The following KIF20B variants were observed in gnomAD, a reference collection of about 807,000 sequenced individuals.
KIF20B encodes the protein kinesin-like protein KIF20B.
A neutral mutation model predicts 232.5 loss-of-function variants in KIF20B; 188 were observed. The observed-to-expected ratio is 0.81, with a 90% CI of 0.72 to 0.91. The LOEUF (loss-of-function observed/expected upper bound fraction) is 0.91, where lower values mean the gene tolerates loss of function less well. Among genes scored for constraint, KIF20B ranks in the 40% least tolerant of loss-of-function variants. The pLI is 0.00. For missense variants in KIF20B, 2,154 were observed against 2,055.9 expected (o/e 1.05, Z -0.92); for synonymous variants, 712 against 683.0 (o/e 1.04, Z -0.66).
In KIF20B at chr10:89,758,918, A is replaced by G. The variant is rs755568447; in HGVS notation, c.4680+36A>G. 3.1e-6 allele frequency: 4 copies of G among 1,283,724 alleles called. No homozygotes were observed. In the Admixed American group the frequency reaches 1.1e-4, roughly 34 times the overall value. 79.5% of individuals were successfully genotyped at this position (1,283,724 alleles called of 1,614,324 possible). ...TTTTTTGCTATGCCTTTTTAATTGA[A>G]CATAGTAATTACTTAATTGACTAAC... On this transcript the variant is annotated intron_variant, in intron 27 of 32. Transcript: ENST00000371728.
chr10:89,735,666 T>C (rs554584807), intron 19 of KIF20B, among the ~76,000 whole-genome samples: 178 of 150,426 alleles, frequency 1.2e-3, no homozygotes, highest in Admixed American at 3.1e-3. Context: ...GCCTCCCGAC[T>C]AGCTGGGATT....
rs1349176298 is a variant in KIF20B, at chr10:89,732,310, A to G, written c.2392-593A>G. On this transcript the variant is annotated intron_variant, in intron 18 of 32. Transcript: ENST00000371728. ...CCTGGAATTTTAATTTTTTGTAGAG[A>G]CGGGTTCTCACTGTGTGGCCCAGGC... Among the ~76,000 whole-genome samples the G allele has an allele frequency of 3.3e-5, 5 of 152,028 alleles. 1 individual carries two copies. Among genetic ancestry groups the G allele is most frequent in the Non-Finnish European group, 7.4e-5 (5 of 67,990 alleles).
At chr10:89,742,406 G>A (rs1841818797) in intron 21 of KIF20B, among the ~76,000 whole-genome samples, 1 of 152,106 alleles carries the variant, frequency 6.6e-6, no homozygotes, top group Admixed American at 6.6e-5. Context: ...ACTTGTCTTA[G>A]TCTTAATAAG....
intron 13 of KIF20B, among the ~76,000 whole-genome samples, chr10:89,723,377 A>C (rs976352879): frequency 6.6e-6 from 1 of 151,410 alleles, no homozygotes; most frequent in African/African-American, 2.4e-5. Flanking sequence ...ATTTTTCATG[A>C]TTATGTATGT....
rs1129777 is a variant in KIF20B at position 89,709,168 on chromosome 10, C to G, written c.149C>G (p.Ala50Gly). The G allele has an allele frequency of 0.21, 337,119 of 1,590,982 alleles. 37,847 individuals carry two copies. Among genetic ancestry groups the G allele is most frequent in the East Asian group, 0.34 (15,147 of 44,520 alleles). Residue 50 changes from alanine to glycine, a missense_variant and splice_region_variant, in exon 3 of 33, where the codon GCA becomes GGA. Ala to Gly is a moderately conservative substitution (Grantham distance 60). Coordinates refer to ENST00000371728, the MANE Select transcript of KIF20B (RefSeq NM_001284259.2). ...TGTTTTTCTCCTTTATTTTTTAAGG[C>G]AAACAGTTTCGAATCTAAAGATTAT... ...EFSLVAPNTEANSFESKDYLQ... is the reference protein window; with the variant it reads ...EFSLVAPNTEGNSFESKDYLQ...
chr10:89,760,857 A>G (rs2133165625), intron 28 of KIF20B, among the ~76,000 whole-genome samples: 1 of 152,316 alleles, frequency 6.6e-6, no homozygotes, highest in Non-Finnish European at 1.5e-5. Flanking sequence ...TAGATTTGTT[A>G]ATAGAAACAA....
intron 29 of KIF20B, among the ~76,000 whole-genome samples, chr10:89,767,545 CT>C (rs1842388568): frequency 6.6e-6 from 1 of 152,052 alleles, no homozygotes; most frequent in Non-Finnish European, 1.5e-5. Flanking sequence ...GATCTTTTCT[CT>C]GCTTCTCTTC....
At chr10:89,725,745 C>T (rs1564662727) in intron 15 of KIF20B, among the ~76,000 whole-genome samples, 3 of 152,168 alleles carry the variant, frequency 2.0e-5, no homozygotes, top group Admixed American at 6.5e-5. Context: ...AGCTTATTCT[C>T]TACTTGTAAT....
chr10:89,713,991 TTA>T, intron 6 of KIF20B, 54 bp from the exon 7 acceptor site: 1 of 828,670 alleles, frequency 1.2e-6, no homozygotes, highest in Non-Finnish European at 1.8e-6. Flanking sequence ...AATATCTTGA[TTA>T]TTTAACCTTA....
intron 22 of KIF20B, among the ~76,000 whole-genome samples, chr10:89,744,832 G>A (rs1041137077): frequency 6.6e-6 from 1 of 151,938 alleles, no homozygotes; most frequent in African/African-American, 2.4e-5. Flanking sequence ...TATAACAATA[G>A]GATTCGAGAT....
intron 26 of KIF20B, among the ~76,000 whole-genome samples, chr10:89,755,319 C>A (rs977971184): frequency 6.6e-6 from 1 of 152,198 alleles, no homozygotes. Context: ...TTTATGACTG[C>A]ATTTGACTAA....
In KIF20B at chr10:89,774,119, T is replaced by C. The variant is rs1353313995; in HGVS notation, c.*71T>C. The C allele has an allele frequency of 8.1e-6, 7 of 864,304 alleles. No homozygotes were observed. The highest frequency in any genetic ancestry group is 5.1e-5 in the African/African-American group (3 of 58,286). 53.5% of individuals were successfully genotyped at this position (864,304 alleles called of 1,614,324 possible). A position where few individuals can be genotyped will look rare whatever the true frequency, so the allele number is the denominator to read the frequency against. On this transcript the variant is annotated 3_prime_UTR_variant, in exon 33 of 33. Coordinates refer to ENST00000371728, the MANE Select transcript of KIF20B (RefSeq NM_001284259.2). Reference sequence around the variant, plus strand: ...TGGAACTTGCATCCTGTATTGTAAATATAAATGTATATATTATGCATTAAA... The same window carrying C: ...TGGAACTTGCATCCTGTATTGTAAACATAAATGTATATATTATGCATTAAA...
At chr10:89,733,082 G>A in intron 19 of KIF20B, 26 bp downstream of exon 19, 1 of 1,611,940 alleles carries the variant, frequency 6.2e-7, no homozygotes, top group Non-Finnish European at 8.5e-7. Context: ...CCAGCAGCAG[G>A]CGTTTAAGAA....
intron 32 of KIF20B, among the ~76,000 whole-genome samples, chr10:89,773,432 C>T (rs115928480): frequency 6.6e-6 from 1 of 151,850 alleles, no homozygotes; most frequent in African/African-American, 2.4e-5. Context: ...TCAGGAGAAA[C>T]CTTTTTTGCC....
chr10:89,721,840 A>G (rs1843065070), intron 13 of KIF20B, among the ~76,000 whole-genome samples: 1 of 152,214 alleles, frequency 6.6e-6, no homozygotes, highest in African/African-American at 2.4e-5. Context: ...GATTGACTAA[A>G]TATTTTAAGG....
chr10:89,718,841 A>T lies in KIF20B; in HGVS notation c.1403A>T (p.Asn468Ile). The T allele has an allele frequency of 6.3e-7, 1 of 1,598,998 alleles. No homozygotes were observed. The highest frequency in any genetic ancestry group is 8.5e-7 in the Non-Finnish European group (1 of 1,172,976). The change falls in exon 12 of 33, where the codon AAT becomes ATT. Residue 468 changes from asparagine to isoleucine, a missense_variant. By Grantham distance (149) the Asn-to-Ile change is moderately radical. Transcript: ENST00000371728. ...TATTTAGCCTATGATGAAACACTCA[A>T]TGTATTGAAGTTCTCCGCCATTGCA... Reference protein sequence around the residue: ...QCYLAYDETLNVLKFSAIAQK... With the variant: ...QCYLAYDETLIVLKFSAIAQK...
intron 19 of KIF20B, among the ~76,000 whole-genome samples, chr10:89,735,087 T>C (rs1298189589): frequency 6.6e-6 from 1 of 152,198 alleles, no homozygotes; most frequent in Non-Finnish European, 1.5e-5. Context: ...AATAAATGTT[T>C]TTCAGTGTTA....
At chr10:89,704,112 A>G (rs1277168899) in intron 1 of KIF20B, among the ~76,000 whole-genome samples, 1 of 152,178 alleles carries the variant, frequency 6.6e-6, no homozygotes, top group Non-Finnish European at 1.5e-5. Context: ...CTTTTGAGCT[A>G]AGATCCCTAC....
rs755269444 is a variant in KIF20B at position 89,737,765 on chromosome 10, T to A, written c.2924T>A (p.Ile975Asn). The A allele has an allele frequency of 6.2e-7, 1 of 1,611,930 alleles. No individual in the cohort carries two copies. Among genetic ancestry groups the A allele is most frequent in the South Asian group, 1.1e-5 (1 of 90,858 alleles). ...GAGATAGAAACTGCTACAAGAAGCA[T>A]TACAAATAATGTTTCACAAATAAAA... is the stretch of plus-strand genomic sequence containing the variant. ...SNEIETATRS[I>N]TNNVSQIKLM... The change falls in exon 20 of 33, where the codon ATT (isoleucine) becomes AAT (asparagine). Residue 975 changes from isoleucine (I) to asparagine (N), a missense_variant. By Grantham distance (149) the Ile-to-Asn change is moderately radical. Coordinates refer to ENST00000371728, the MANE Select transcript of KIF20B (RefSeq NM_001284259.2).
Sources: gnomAD v4.1 joint callset for allele counts (sites outside exome capture counted in the v4.1 genomes callset) on GRCh38, gnomAD v4.1.1 for gene constraint, MANE v1.5 for transcripts, NCBI Gene and HGNC (gene_info 2026-07-23, HGNC 2026-07-21) for gene names.